Variants in FGF14 observed in about 807,000 individuals in gnomAD.
FGF14 encodes the protein fibroblast growth factor homologous factor 4.
Under a neutral mutation model 25.5 loss-of-function variants are expected in FGF14, and 5 were observed. The ratio of observed to expected loss-of-function variants is 0.20; its 90% CI spans 0.10 to 0.41. The LOEUF is 0.41. FGF14 is among the 10% of genes least tolerant of loss of function. FGF14 has a pLI of 1.00. For missense variants in FGF14, 222 were observed against 320.1 expected, an observed-to-expected ratio of 0.69 and a Z score of 2.34; for synonymous variants, 138 against 118.3, an observed-to-expected ratio of 1.17 and a Z score of -1.08.
chr13:101,907,567 T>C (rs1341783498), intron 1 of FGF14, among the ~76,000 whole-genome samples: 2 of 152,148 alleles, frequency 1.3e-5, no homozygotes, highest in African/African-American at 2.4e-5. Context: ...GAACAGTTTG[T>C]TACTGGGGAC....
intron 1 of FGF14, among the ~76,000 whole-genome samples, chr13:101,910,282 T>C (rs954881944): frequency 6.6e-6 from 1 of 152,074 alleles, no homozygotes; most frequent in African/African-American, 2.4e-5. Context: ...ACCAAAATAA[T>C]AATAATAATA....
intron 1 of FGF14, among the ~76,000 whole-genome samples, chr13:101,999,365 C>T (rs1430362836): frequency 2.0e-5 from 3 of 152,218 alleles, no homozygotes; most frequent in South Asian, 2.1e-4. Context: ...TAGTCTGGGT[C>T]GCCCACAGCA....
At chr13:101,819,756 C>T (rs1365977571) in intron 3 of FGF14, among the ~76,000 whole-genome samples, 2 of 152,114 alleles carry the variant, frequency 1.3e-5, no homozygotes, top group Non-Finnish European at 2.9e-5. Context: ...TTTGAAGATA[C>T]ATGATAAATC....
chr13:101,914,948 T>G (rs2033319059), intron 1 of FGF14, among the ~76,000 whole-genome samples: 1 of 152,224 alleles, frequency 6.6e-6, no homozygotes, highest in Non-Finnish European at 1.5e-5. Flanking sequence ...GCAGTCGAGT[T>G]GGTCTCATTA....
intron 1 of FGF14, among the ~76,000 whole-genome samples, chr13:102,377,510 T>C (rs953516393): frequency 1.3e-5 from 2 of 152,186 alleles, no homozygotes; most frequent in African/African-American, 4.8e-5. Context: ...TATCTTAATA[T>C]TCTAGCACAG....
At chr13:102,078,416 AAAC>A (rs1274304940) in intron 1 of FGF14, among the ~76,000 whole-genome samples, 1 of 151,546 alleles carries the variant, frequency 6.6e-6, no homozygotes, top group Non-Finnish European at 1.5e-5. Flanking sequence ...TGTCAACTAA[AAAC>A]AAGTCAAACA....
chr13:102,378,319 CTA>C (rs1487052474), intron 1 of FGF14, among the ~76,000 whole-genome samples: 1 of 151,972 alleles, frequency 6.6e-6, no homozygotes, highest in Non-Finnish European at 1.5e-5. Flanking sequence ...AGGGAAATCT[CTA>C]TGTCTTCCTT....
intron 1 of FGF14, among the ~76,000 whole-genome samples, chr13:102,006,262 A>G (rs544673665): frequency 1.3e-5 from 2 of 152,344 alleles, no homozygotes; most frequent in South Asian, 4.1e-4. Context: ...GTTACAAAAA[A>G]CTTATTTGTG....
At chr13:101,943,764 A>AG in intron 1 of FGF14, among the ~76,000 whole-genome samples, 1 of 151,174 alleles carries the variant, frequency 6.6e-6, no homozygotes, top group Non-Finnish European at 1.5e-5. Context: ...ACCTGAGTTC[A>AG]GGAGTTTGAG....
intron 3 of FGF14, among the ~76,000 whole-genome samples, chr13:101,812,682 T>A (rs181760141): frequency 0.041 from 4,500 of 109,340 alleles, 265 homozygotes; most frequent in African/African-American, 0.099. Flanking sequence ...TTTTTTTTTT[T>A]ACGGAGTTTT....
At chr13:102,123,979 G>C (rs2045845220) in intron 1 of FGF14, among the ~76,000 whole-genome samples, 1 of 152,148 alleles carries the variant, frequency 6.6e-6, no homozygotes, top group African/African-American at 2.4e-5. Flanking sequence ...ATTAGATGCA[G>C]ATTTACATGT....
intron 1 of FGF14, among the ~76,000 whole-genome samples, chr13:102,345,462 C>T (rs184343403): frequency 6.6e-6 from 1 of 152,328 alleles, no homozygotes; most frequent in Admixed American, 6.5e-5. Context: ...TTCTCTCCAT[C>T]CTCTCTCAAC....
chr13:102,258,411 C>G (rs1304611176), intron 1 of FGF14, among the ~76,000 whole-genome samples: 1 of 152,128 alleles, frequency 6.6e-6, no homozygotes, highest in Non-Finnish European at 1.5e-5. Context: ...CTTGCCCAGG[C>G]TGCTGTGTCC....
intron 3 of FGF14, among the ~76,000 whole-genome samples, chr13:101,836,615 C>T (rs115578107): frequency 0.014 from 2,080 of 152,140 alleles, 41 homozygotes; most frequent in African/African-American, 0.048. Flanking sequence ...ATAAAAAATA[C>T]ATATTTTGCA....
At chr13:101,814,857 T>C (rs926417517) in intron 3 of FGF14, among the ~76,000 whole-genome samples, 4 of 152,336 alleles carry the variant, frequency 2.6e-5, no homozygotes, top group African/African-American at 9.6e-5. Flanking sequence ...GCCATAAACA[T>C]TTTCATATAA....
intron 1 of FGF14, among the ~76,000 whole-genome samples, chr13:101,882,192 ATT>A (rs1465823751): frequency 6.6e-6 from 1 of 152,154 alleles, no homozygotes; most frequent in Non-Finnish European, 1.5e-5. Flanking sequence ...GATTCCCTAA[ATT>A]TAAAGAATCT....
upstream of FGF14, among the ~76,000 whole-genome samples, chr13:101,920,740 T>C (rs1594735037): frequency 6.6e-6 from 1 of 152,214 alleles, no homozygotes; most frequent in East Asian, 1.9e-4. Flanking sequence ...AAGAAGTTAT[T>C]TTAAATTTTG....
At chr13:101,957,271 T>C (rs1025433272) in intron 1 of FGF14, among the ~76,000 whole-genome samples, 1 of 151,990 alleles carries the variant, frequency 6.6e-6, no homozygotes, top group Non-Finnish European at 1.5e-5. Flanking sequence ...CAGTGTAAAG[T>C]AAAAAAGTAA....
chr13:101,932,755 G>GGA (rs2034845836), intron 1 of FGF14, among the ~76,000 whole-genome samples: 1 of 54,790 alleles, frequency 1.8e-5, no homozygotes, highest in African/African-American at 5.3e-5. Context: ...TAAAATTACA[G>GGA]TAAAAAAAAA....
Sources: allele counts gnomAD v4.1 joint callset (sites outside exome capture counted in the v4.1 genomes callset), GRCh38; gene constraint gnomAD v4.1.1; transcripts MANE v1.5; gene names NCBI Gene and HGNC (gene_info 2026-07-23, HGNC 2026-07-21).